The following DOK4 variants were observed in gnomAD, a reference collection of about 807,000 sequenced individuals.
The protein encoded by DOK4 is docking protein 4, also known as downstream of tyrosine kinase 4.
In DOK4, 26 loss-of-function variants were observed where a neutral mutation model predicts 40.1. The ratio of observed to expected loss-of-function variants is 0.65; its 90% confidence interval spans 0.48 to 0.90. The LOEUF is 0.90. Among genes scored for constraint, DOK4 ranks in the 40% least tolerant of loss-of-function variants. The pLI, the probability that DOK4 is intolerant of heterozygous loss-of-function variation, is 0.00. For missense variants in DOK4, 392 were observed against 437.2 expected, an observed-to-expected ratio of 0.90 and a Z score of 0.92; for synonymous variants, 179 against 177.0, an observed-to-expected ratio of 1.01 and a Z score of -0.09.
Position 57,485,707 on chromosome 16 carries a change from T to C in DOK4, c.-182+598A>G, listed in dbSNP as rs1405791458. On this transcript the variant is annotated intron_variant, in intron 1 of 8. Transcript: ENST00000340099. The surrounding 1 kb of genome is among the most constrained non-coding windows in gnomAD (Gnocchi z 4.3). ...TGCCCCTTTTCAGTAATAGAAAGCA[T>C]GTAACTGGATCTAGGGCCTTGCGGG... is the stretch of plus-strand genomic sequence containing the variant. Among the ~76,000 whole-genome samples, 1 of 152,004 alleles carries C rather than the reference T, an allele frequency of 6.6e-6. No individual in the cohort carries two copies. Among genetic ancestry groups the C allele is most frequent in the Admixed American group, 6.6e-5 (1 of 15,266 alleles).
intron 1 of DOK4, chr16:57,481,552 A>C (rs1337756092): frequency 1.3e-5 from 2 of 152,278 alleles, no homozygotes; most frequent in Admixed American, 6.5e-5. Flanking sequence ...AGCAAGGACC[A>C]GCTCAGGAGT....
At chr16:57,483,296 G>A (rs1246483194) in intron 1 of DOK4, among the ~76,000 whole-genome samples, 1 of 152,146 alleles carries the variant, frequency 6.6e-6, no homozygotes, top group Non-Finnish European at 1.5e-5. Context: ...AAGCGAGGCG[G>A]CCCCCAAGCT....
chr16:57,478,779 AG>A (rs2031297302), intron 2 of DOK4: 1 of 152,700 alleles, frequency 6.5e-6, no homozygotes, highest in African/African-American at 2.4e-5. Context: ...AACAACTTGG[AG>A]GGAAGCAGCC....
At chr16:57,473,435 A>C (rs1242559248) in exon 9 of DOK4, 2 of 1,614,098 alleles carry the variant, frequency 1.2e-6, no homozygotes, top group Non-Finnish European at 1.7e-6. Context: ...TGGCTTTAGC[A>C]GGATGAATCT....
chr16:57,476,044 G>C (rs2074545), intron 2 of DOK4, 87 bp from the exon 3 acceptor site: 676,480 of 1,175,624 alleles, frequency 0.58, 197,808 homozygotes, highest in Non-Finnish European at 0.6. Context: ...GCCTGCCACA[G>C]GGGGCGGTGC....
At chr16:57,477,605 C>T (rs1567589872) in intron 2 of DOK4, among the ~76,000 whole-genome samples, 1 of 152,216 alleles carries the variant, frequency 6.6e-6, no homozygotes, top group South Asian at 2.1e-4. Context: ...TGCCTGGTTA[C>T]AGGATACACA....
At chr16:57,482,837 A>G (rs1055866536) in intron 1 of DOK4, among the ~76,000 whole-genome samples, 6 of 152,178 alleles carry the variant, frequency 3.9e-5, no homozygotes, top group African/African-American at 1.4e-4. Context: ...ATATATATAT[A>G]GTTTTCTTCA....
intron 2 of DOK4, among the ~76,000 whole-genome samples, chr16:57,477,713 G>A (rs598486): frequency 0.78 from 118,439 of 152,168 alleles, 47,000 homozygotes; most frequent in African/African-American, 0.93. Flanking sequence ...CAGCTCTGCC[G>A]CGGGAGAAAG....
intron 1 of DOK4, chr16:57,480,547 G>A (rs1225492731): frequency 1.3e-5 from 2 of 152,426 alleles, no homozygotes; most frequent in Admixed American, 1.3e-4. Context: ...GTGGGGCCCG[G>A]GCCCCAACAG....
At chr16:57,473,293 C>G in exon 9 of DOK4, 1 of 1,503,846 alleles carries the variant, frequency 6.6e-7, no homozygotes, top group South Asian at 1.3e-5. Flanking sequence ...TGGCCGACAG[C>G]CCCCTGAGGC....
chr16:57,480,938 G>A (rs2031390162), intron 1 of DOK4, among the ~76,000 whole-genome samples: 1 of 152,178 alleles, frequency 6.6e-6, no homozygotes, highest in Non-Finnish European at 1.5e-5. Flanking sequence ...TCTGTGGGGG[G>A]AACATCCTGC....
At chr16:57,482,390 G>A (rs540061405) in intron 1 of DOK4, among the ~76,000 whole-genome samples, 238 of 110,700 alleles carry the variant, frequency 2.1e-3, no homozygotes, top group Non-Finnish European at 2.5e-3. Flanking sequence ...TTTTTGAGAC[G>A]GAGTCTCACT....
At chr16:57,480,728 C>A (rs2031384419) in intron 1 of DOK4, among the ~76,000 whole-genome samples, 1 of 152,080 alleles carries the variant, frequency 6.6e-6, no homozygotes, top group Admixed American at 6.5e-5. Flanking sequence ...GCAGAGCCAC[C>A]CCAAATCAGG....
intron 2 of DOK4, 135 bp from the exon 3 acceptor site, chr16:57,476,092 G>C (rs371388427): frequency 1.4e-6 from 1 of 690,478 alleles, no homozygotes; most frequent in East Asian, 2.7e-5. Flanking sequence ...TGGGGACACC[G>C]GGGGTGGGAG....
rs149076082 is a variant in DOK4, at chr16:57,479,559, T to A, written c.-52A>T. 2.6e-4 allele frequency: 423 copies of A among 1,597,474 alleles called. 3 individuals carry two copies. The highest frequency in any genetic ancestry group is 1.3e-3 in the Middle Eastern group (8 of 6,026). On this transcript the variant is annotated 5_prime_UTR_variant, in exon 2 of 9. Transcript: ENST00000340099. This position sits in a 1 kb window ranked among gnomAD's most constrained non-coding sequence, Gnocchi z 5.8. Reference sequence around the variant, plus strand: ...GGCCTGGCAGAGGCGAGGGGAAGGATGCCCAGGTGCCTGGGTCTCCGGCTC... The same window carrying A: ...GGCCTGGCAGAGGCGAGGGGAAGGAAGCCCAGGTGCCTGGGTCTCCGGCTC...
chr16:57,473,241 G>C, exon 9 of DOK4: 2 of 1,352,100 alleles, frequency 1.5e-6, no homozygotes, highest in South Asian at 3.0e-5. Flanking sequence ...CCTCATCCTT[G>C]GGGGCAAGGA....
intron 2 of DOK4, among the ~76,000 whole-genome samples, chr16:57,477,524 C>A (rs1161577671): frequency 1.3e-5 from 2 of 152,232 alleles, no homozygotes; most frequent in African/African-American, 4.8e-5. Flanking sequence ...CCCAGATACA[C>A]CCTGCCAGGG....
chr16:57,481,810 G>C (rs1218011149), intron 1 of DOK4: 1 of 152,266 alleles, frequency 6.6e-6, no homozygotes, highest in African/African-American at 2.4e-5. Context: ...ATGAGGAAAT[G>C]AATTCATGAG....
chr16:57,473,672 C>A (rs2030991576), exon 8 of DOK4: 1 of 1,614,116 alleles, frequency 6.2e-7, no homozygotes, highest in Admixed American at 1.7e-5. Flanking sequence ...CCAGTAGGCA[C>A]TGCGCGGCAG....
Sources: allele counts gnomAD v4.1 joint callset (sites outside exome capture counted in the v4.1 genomes callset), GRCh38; gene constraint gnomAD v4.1.1; non-coding constraint Gnocchi (gnomAD v3.1); transcripts MANE v1.5; gene names NCBI Gene and HGNC (gene_info 2026-07-23, HGNC 2026-07-21).